L3MBTL4: variants seen among roughly 807,000 people sequenced by gnomAD.
L3MBTL4 encodes the protein L3MBTL histone methyl-lysine binding protein 4.
L3MBTL4 carries 70 observed loss-of-function variants against 84.5 expected under a neutral mutation model. The observed-to-expected ratio is 0.83, with a 90% CI of 0.68 to 1.01. The LOEUF (loss-of-function observed/expected upper bound fraction) is 1.01. Ranked by LOEUF, L3MBTL4 falls within the 50% of genes least tolerant of loss-of-function variation. The pLI is 0.00. For missense variants in L3MBTL4, 715 were observed against 754.8 expected (o/e 0.95, Z 0.62); for synonymous variants, 274 against 259.8 (o/e 1.05, Z -0.52).
At chr18:6,129,918 G>A (rs768448201) in intron 14 of L3MBTL4, among the ~76,000 whole-genome samples, 1 of 152,000 alleles carries the variant, frequency 6.6e-6, no homozygotes, top group African/African-American at 2.4e-5. Context: ...TTCAGATTCT[G>A]TATATTCTTA....
chr18:6,391,355 T>C (rs533791752), intron 1 of L3MBTL4, among the ~76,000 whole-genome samples: 2 of 152,078 alleles, frequency 1.3e-5, no homozygotes, highest in Non-Finnish European at 1.5e-5. Context: ...AAGCCATATA[T>C]GGAAAACCCA....
rs1027026843 is a variant in L3MBTL4 at position 6,373,058 on chromosome 18, A to T, written c.-91+41743T>A. 9.9e-5 allele frequency among the ~76,000 whole-genome samples: 15 copies of T among 152,180 alleles called. 1 individual carries two copies. The highest frequency in any genetic ancestry group is 1.6e-4 in the Non-Finnish European group (11 of 68,028). ...TGATGCAAAAAATCACATACATCTG[A>T]TCTTTCATTAAATGTTATGTTAATA... On this transcript the variant is annotated intron_variant, in intron 1 of 18. Transcript: ENST00000317931.
intron 12 of L3MBTL4, among the ~76,000 whole-genome samples, chr18:6,209,445 C>CAAAAAAAAAAAAAAAAAAAAAAA (rs60613997): frequency 2.6e-5 from 3 of 113,996 alleles, no homozygotes; most frequent in African/African-American, 9.2e-5. Context: ...ACTAAACTGG[C>CAAAAAAAAAAAAAAAAAAAAAAA]AAAAAAAAAA....
intron 16 of L3MBTL4, among the ~76,000 whole-genome samples, chr18:5,989,921 G>C (rs2053615328): frequency 6.6e-6 from 1 of 152,222 alleles, no homozygotes; most frequent in African/African-American, 2.4e-5. Flanking sequence ...GTGAGGGTGA[G>C]AGCGTGAGGG....
chr18:6,356,521 A>T (rs1379359025), intron 1 of L3MBTL4, among the ~76,000 whole-genome samples: 1 of 152,244 alleles, frequency 6.6e-6, no homozygotes, highest in Non-Finnish European at 1.5e-5. Context: ...TACTGGGTAG[A>T]GCCTACTACA....
At chr18:6,255,237 C>T (rs2048088571) in intron 5 of L3MBTL4, among the ~76,000 whole-genome samples, 1 of 152,218 alleles carries the variant, frequency 6.6e-6, no homozygotes, top group Non-Finnish European at 1.5e-5. Context: ...CCTCCTCCTT[C>T]TGAAGAGCTC....
intron 16 of L3MBTL4, among the ~76,000 whole-genome samples, chr18:6,048,300 C>T (rs986890801): frequency 6.6e-6 from 1 of 152,096 alleles, no homozygotes; most frequent in African/African-American, 2.4e-5. Flanking sequence ...TTAAAATGGC[C>T]ATACTGCCCC....
intron 11 of L3MBTL4, among the ~76,000 whole-genome samples, chr18:6,213,468 A>G (rs1163557624): frequency 6.6e-6 from 1 of 152,144 alleles, no homozygotes; most frequent in Non-Finnish European, 1.5e-5. Context: ...GCTGGAGTGC[A>G]ATGGTACGAT....
Position 6,074,219 on chromosome 18 carries a change from G to A in L3MBTL4, c.1444+6662C>T, listed in dbSNP as rs532183092. Among the ~76,000 whole-genome samples, 17 of 152,192 alleles carry A rather than the reference G, an allele frequency of 1.1e-4. No homozygotes were observed. In the South Asian group the frequency reaches 3.1e-3, roughly 28 times the overall value. On this transcript the variant is annotated intron_variant, in intron 16 of 18. Coordinates refer to ENST00000317931, the MANE Select transcript of L3MBTL4 (RefSeq NM_001330559.2). ...CGTCTAGAATCTTGAATGGAGGTAG[G>A]GTCAGCATTTCTATGGTTGGCTATT...
intron 16 of L3MBTL4, among the ~76,000 whole-genome samples, chr18:5,998,085 T>C (rs1567965552): frequency 6.6e-6 from 1 of 152,210 alleles, no homozygotes; most frequent in Non-Finnish European, 1.5e-5. Flanking sequence ...GCGTGGTTTT[T>C]CATGGTGCTT....
chr18:6,063,835 T>C (rs1421388138), intron 16 of L3MBTL4, among the ~76,000 whole-genome samples: 1 of 152,170 alleles, frequency 6.6e-6, no homozygotes, highest in Non-Finnish European at 1.5e-5. Flanking sequence ...TTATTTCTTT[T>C]GTTGCACAGA....
intron 16 of L3MBTL4, among the ~76,000 whole-genome samples, chr18:6,020,049 C>A (rs1256469837): frequency 1.3e-5 from 2 of 152,186 alleles, no homozygotes; most frequent in Non-Finnish European, 2.9e-5. Context: ...ACAAGACACA[C>A]ATGCTCCCTG....
Position 6,237,911 on chromosome 18 carries a change from G to T in L3MBTL4, c.784+53C>A, listed in dbSNP as rs201272912. ...TCTTCATAAACAAAATAAAAATGAG[G>T]ACTGCCACTCACACAGAGATGACTT... On this transcript the variant is annotated intron_variant, in intron 10 of 18. Coordinates refer to ENST00000317931, the MANE Select transcript of L3MBTL4 (RefSeq NM_001330559.2). The T allele has an allele frequency of 2.8e-4, 370 of 1,320,356 alleles. 2 individuals are homozygous for T. The East Asian group carries it at 8.4e-3, about 30-fold the overall frequency. The allele number at this position is 1,320,356 out of a possible 1,614,324, so 81.8% of individuals were successfully genotyped here.
At chr18:6,035,580 T>C (rs1446576305) in intron 16 of L3MBTL4, among the ~76,000 whole-genome samples, 1 of 152,190 alleles carries the variant, frequency 6.6e-6, no homozygotes, top group Non-Finnish European at 1.5e-5. Context: ...AGTCAGGTAG[T>C]GTGATGCCTC....
intron 13 of L3MBTL4, among the ~76,000 whole-genome samples, chr18:6,163,188 T>C (rs1407931330): frequency 7.0e-6 from 1 of 142,394 alleles, no homozygotes; most frequent in East Asian, 2.1e-4. Flanking sequence ...AAGAATTCAG[T>C]GATAAATAAA....
In L3MBTL4 at chr18:6,054,421, G is replaced by C. The variant is rs1411230576; in HGVS notation, c.1444+26460C>G. On this transcript the variant is annotated intron_variant, in intron 16 of 18. Coordinates refer to ENST00000317931, the MANE Select transcript of L3MBTL4 (RefSeq NM_001330559.2). ...TCCTGTACCTTAGTTTCCTCTCTCT[G>C]TGAGAATATCAAATCAGATACTCCC... 3.2e-4 allele frequency among the ~76,000 whole-genome samples: 49 copies of C among 152,064 alleles called. 1 individual carries two copies. The highest frequency in any genetic ancestry group is 3.1e-3 in the Admixed American group (48 of 15,278).
chr18:6,116,919 G>A (rs978482504), intron 14 of L3MBTL4, among the ~76,000 whole-genome samples: 9 of 152,058 alleles, frequency 5.9e-5, no homozygotes, highest in East Asian at 3.9e-4. Flanking sequence ...GCTTTCATTC[G>A]TACTGTTACC....
chr18:6,003,827 GAC>G (rs2054337072), intron 16 of L3MBTL4, among the ~76,000 whole-genome samples: 1 of 152,004 alleles, frequency 6.6e-6, no homozygotes, highest in African/African-American at 2.4e-5. Flanking sequence ...AATATTGAGA[GAC>G]AAATTTACAT....
chr18:6,172,785 C>T (rs2044040374), intron 12 of L3MBTL4, among the ~76,000 whole-genome samples: 1 of 151,764 alleles, frequency 6.6e-6, no homozygotes, highest in Non-Finnish European at 1.5e-5. Flanking sequence ...GCAAAGAAGC[C>T]CACTTAAGTT....
Sources: gnomAD v4.1 joint callset for allele counts (sites outside exome capture counted in the v4.1 genomes callset) on GRCh38, gnomAD v4.1.1 for gene constraint, MANE v1.5 for transcripts, NCBI Gene and HGNC (gene_info 2026-07-23, HGNC 2026-07-21) for gene names.